The following VPS13A variants were observed in gnomAD, a reference collection of about 807,000 sequenced individuals.
VPS13A encodes vacuolar protein sorting 13 homolog A.
VPS13A carries 264 observed loss-of-function variants against 390.9 expected under a neutral mutation model. That is an observed-to-expected ratio of 0.68 (90% confidence interval 0.61 to 0.75). The LOEUF (loss-of-function observed/expected upper bound fraction) is 0.75, where lower values mean the gene tolerates loss of function less well. Among genes scored for constraint, VPS13A ranks in the 30% least tolerant of loss-of-function variants. VPS13A has a pLI of 0.00. For synonymous variants in VPS13A, 1,231 were observed against 1,227.1 expected (o/e 1.00, Z -0.07); for missense variants, 3,409 against 3,733.9 (o/e 0.91, Z 2.27).
At chr9:77,400,078 G>A (rs1159283669) in intron 68 of VPS13A, among the ~76,000 whole-genome samples, 1 of 152,052 alleles carries the variant, frequency 6.6e-6, no homozygotes, top group Admixed American at 6.6e-5. Flanking sequence ...ATATTGCTGT[G>A]AAGATTCTTA....
intron 1 of VPS13A, among the ~76,000 whole-genome samples, chr9:77,186,920 C>T (rs1031811902): frequency 2.0e-5 from 3 of 152,118 alleles, no homozygotes; most frequent in South Asian, 2.1e-4. Flanking sequence ...CCCCAGTAAC[C>T]GTTATTCTAC....
chr9:77,403,247 T>A lies in VPS13A; in HGVS notation c.9201T>A (p.Asn3067Lys). Residue 3067 changes from asparagine to lysine, a missense_variant, in exon 69 of 72, where the codon AAT becomes AAA. Physicochemically the swap from Asn to Lys is moderately conservative, Grantham distance 94. Coordinates refer to ENST00000360280, the MANE Select transcript of VPS13A (RefSeq NM_033305.3). ...CTTTTTTCTTTTAGGTCATGGAAAA[T>A]GGAAGATTTGCAAAATACAAATATT... ...TGNQMLQVME[N>K]GRFAKYKYFT... The A allele has an allele frequency of 6.2e-7, 1 of 1,611,776 alleles. No homozygotes were observed. The highest frequency in any genetic ancestry group is 2.2e-5 in the East Asian group (1 of 44,822).
chr9:77,318,719 G>C, intron 41 of VPS13A, 128 bp downstream of exon 41: 1 of 989,784 alleles, frequency 1.0e-6, no homozygotes, highest in Non-Finnish European at 1.5e-6. Context: ...ATGATATTGG[G>C]TCAAAAACTT....
In VPS13A at chr9:77,353,690, G is replaced by A. The variant is rs191539426; in HGVS notation, c.7652+49G>A. 244 of 1,490,796 alleles carry A rather than the reference G, an allele frequency of 1.6e-4. No individual in the cohort carries two copies. The African/African-American group carries it at 3.0e-3, about 18-fold the overall frequency. The allele number at this position is 1,490,796 out of a possible 1,614,324, so 92.3% of individuals were successfully genotyped here. A position where few individuals can be genotyped will look rare whatever the true frequency, so the allele number is the denominator to read the frequency against. On this transcript the variant is annotated intron_variant, in intron 54 of 71. Transcript: ENST00000360280. Reference sequence around the variant, plus strand: ...ACATTTAAATGATCAGTTTCTAATTGTTAAGAAATTGTTATTGTAAAATCT... The same window carrying A: ...ACATTTAAATGATCAGTTTCTAATTATTAAGAAATTGTTATTGTAAAATCT...
intron 5 of VPS13A, among the ~76,000 whole-genome samples, chr9:77,209,037 C>T (rs1371312850): frequency 6.6e-6 from 1 of 152,308 alleles, no homozygotes; most frequent in Non-Finnish European, 1.5e-5. Context: ...TATACACAGG[C>T]AACTTAATGG....
At chr9:77,261,406 CATT>C (rs1191793705) in intron 23 of VPS13A, among the ~76,000 whole-genome samples, 4 of 151,794 alleles carry the variant, frequency 2.6e-5, no homozygotes, top group Non-Finnish European at 4.4e-5. Flanking sequence ...TGGATATTCA[CATT>C]ATGAGTGTTT....
intron 23 of VPS13A, among the ~76,000 whole-genome samples, chr9:77,271,286 T>G (rs1826339946): frequency 6.6e-6 from 1 of 152,094 alleles, no homozygotes; most frequent in Non-Finnish European, 1.5e-5. Context: ...TGGCTAAAAA[T>G]AAGAAGAATG....
chr9:77,218,353 T>C (rs866518211), intron 10 of VPS13A, among the ~76,000 whole-genome samples: 2 of 152,046 alleles, frequency 1.3e-5, no homozygotes. Context: ...GACCTCATGA[T>C]CTGCCTGCCT....
At chr9:77,279,830 C>T in intron 26 of VPS13A, 1 of 194,282 alleles carries the variant, frequency 5.1e-6, no homozygotes, top group Non-Finnish European at 1.1e-5. Context: ...GGCCAGAATT[C>T]TCTTCCTGCC....
chr9:77,208,954 A>G lies in VPS13A; in HGVS notation c.386-469A>G, dbSNP rs560669089. ...GATGAACTTCTTTCATCCTTGTTCA[A>G]AAGAAGAAAGAAGATCTTATTTCCT... On this transcript the variant is annotated intron_variant, in intron 5 of 71. Coordinates refer to ENST00000360280, the MANE Select transcript of VPS13A (RefSeq NM_033305.3). 2.8e-4 allele frequency among the ~76,000 whole-genome samples: 43 copies of G among 152,346 alleles called. No individual in the cohort carries two copies. The South Asian group carries it at 8.9e-3, about 32-fold the overall frequency.
At position 77,337,498 on chromosome 9, in the gene VPS13A, C is replaced by T. The variant is rs1392258447; in HGVS notation, c.6339C>T (p.Leu2113=). 3.7e-6 allele frequency: 6 copies of T among 1,612,984 alleles called. No individual in the cohort carries two copies. The South Asian group carries it at 5.5e-5, about 15-fold the overall frequency. The change falls in exon 47 of 72, where the codon CTC becomes CTT. Residue 2113 remains leucine, a synonymous_variant. Coordinates refer to ENST00000360280, the MANE Select transcript of VPS13A (RefSeq NM_033305.3). ...YIMHLWPPIL[L]RNLLPYKIAY... ...TGCATTTGTGGCCACCTATCCTGCT[C>T]CGAAATCTTCTTCCTTACAAAATTG...
chr9:77,247,147 A>C, intron 19 of VPS13A, 112 bp from the exon 20 acceptor site: 1 of 957,028 alleles, frequency 1.0e-6, no homozygotes, highest in Non-Finnish European at 1.5e-6. Context: ...TCATTTTAAA[A>C]TTAATACTAA....
At position 77,403,251 on chromosome 9, in the gene VPS13A, A is replaced by C; in HGVS notation, c.9205A>C (p.Arg3069=). ...NQMLQVMENG[R]FAKYKYFTHV... Reference sequence around the variant, plus strand: ...TTTCTTTTAGGTCATGGAAAATGGAAGATTTGCAAAATACAAATATTTTAC... The same window carrying C: ...TTTCTTTTAGGTCATGGAAAATGGACGATTTGCAAAATACAAATATTTTAC... The change falls in exon 69 of 72, where the codon AGA becomes CGA. Residue 3069 remains arginine, a synonymous_variant. Transcript: ENST00000360280. The C allele has an allele frequency of 1.2e-6, 2 of 1,612,106 alleles. No homozygotes were observed.
chr9:77,342,530 T>C (rs373066021), intron 50 of VPS13A, among the ~76,000 whole-genome samples: 1 of 152,252 alleles, frequency 6.6e-6, no homozygotes. Flanking sequence ...ACATGGGTGG[T>C]TGAGATAGTG....
Position 77,241,436 on chromosome 9 carries a change from C to CTT in VPS13A, c.1900+3063_1900+3064dup, listed in dbSNP as rs200979725. On this transcript the variant is annotated intron_variant, in intron 19 of 71. Coordinates refer to ENST00000360280, the MANE Select transcript of VPS13A (RefSeq NM_033305.3). ...TTCCCACGGATATCTTTACACTTGT[C>CTT]TTTTTTTTTTTTTTCAGAGATCATA... Among the ~76,000 whole-genome samples, 415 of 128,674 alleles carry CTT rather than the reference C, an allele frequency of 3.2e-3. 4 individuals carry two copies. Among genetic ancestry groups the CTT allele is most frequent in the African/African-American group, 9.6e-3 (332 of 34,454 alleles). The allele number at this position is 128,674 out of a possible 152,430, so 84.4% of individuals were successfully genotyped here. A position where few individuals can be genotyped will look rare whatever the true frequency, so the allele number is the denominator to read the frequency against.
intron 22 of VPS13A, among the ~76,000 whole-genome samples, chr9:77,253,058 G>GT (rs1825232147): frequency 6.6e-6 from 1 of 152,140 alleles, no homozygotes; most frequent in Non-Finnish European, 1.5e-5. Context: ...GTGCTGTGCT[G>GT]TTTTTTATAG....
chr9:77,268,619 G>A (rs2377904), intron 23 of VPS13A, among the ~76,000 whole-genome samples: 30,488 of 152,004 alleles, frequency 0.2, 3,232 homozygotes, highest in Middle Eastern at 0.25. Context: ...CACCAGTGTA[G>A]AGAAGTTTTA....
Position 77,323,088 on chromosome 9 carries a change from C to G in VPS13A, c.5852C>G (p.Ala1951Gly). The change falls in exon 45 of 72, where the codon GCT (alanine) becomes GGT (glycine). Residue 1951 changes from alanine to glycine, a missense_variant. Ala to Gly is a moderately conservative substitution (Grantham distance 60, BLOSUM62 0). This residue lies in a region of VPS13A where 2,717 missense variants were observed against 2,917.4 expected (regional missense o/e 0.93). Transcript: ENST00000360280. ...ILLTPVNHSTADKIPLTKVGR... is the reference protein window; with the variant it reads ...ILLTPVNHSTGDKIPLTKVGR... ...TTAGCACCTGTTAACCATTCTACTG[C>G]TGATAAGATTCCTTTAACAAAAGTG... 6.2e-7 allele frequency: 1 copy of G among 1,612,568 alleles called. No individual in the cohort carries two copies. The highest frequency in any genetic ancestry group is 1.1e-5 in the South Asian group (1 of 90,996).
chr9:77,217,166 G>A (rs1822911720), intron 10 of VPS13A, among the ~76,000 whole-genome samples: 1 of 152,170 alleles, frequency 6.6e-6, no homozygotes, highest in South Asian at 2.1e-4. Context: ...GAATGCTAGG[G>A]GAGTGAGAGA....
Sources: allele counts gnomAD v4.1 joint callset (sites outside exome capture counted in the v4.1 genomes callset), GRCh38; gene constraint gnomAD v4.1.1; regional missense constraint gnomAD v4.1.1; transcripts MANE v1.5; gene names NCBI Gene and HGNC (gene_info 2026-07-23, HGNC 2026-07-21).